ANO6: variants seen among roughly 807,000 people sequenced by gnomAD.
ANO6 encodes the protein anoctamin 6.
ANO6 carries 106 observed loss-of-function variants against 117.5 expected under a neutral mutation model. The ratio of observed to expected loss-of-function variants is 0.90; its 90% CI spans 0.77 to 1.06. ANO6 has a LOEUF of 1.06. Among genes scored for constraint, ANO6 ranks in the 50% least tolerant of loss-of-function variants. The pLI is 0.00. For missense variants in ANO6, 955 were observed against 1,121.1 expected (o/e 0.85, Z 2.12); for synonymous variants, 367 against 385.1 (o/e 0.95, Z 0.55).
At chr12:45,267,764 C>G (rs1216475717) in intron 1 of ANO6, among the ~76,000 whole-genome samples, 1 of 152,080 alleles carries the variant, frequency 6.6e-6, no homozygotes, top group East Asian at 1.9e-4. Flanking sequence ...GTGCTCCAGT[C>G]TGGGCAACAG....
intron 2 of ANO6, among the ~76,000 whole-genome samples, chr12:45,322,207 G>C (rs1041319237): frequency 1.3e-5 from 2 of 152,116 alleles, no homozygotes; most frequent in Non-Finnish European, 2.9e-5. Flanking sequence ...AAGAGAGAAA[G>C]AAACATGAAC....
intron 1 of ANO6, among the ~76,000 whole-genome samples, chr12:45,288,671 C>T (rs1938994454): frequency 1.3e-5 from 2 of 152,196 alleles, no homozygotes; most frequent in Non-Finnish European, 2.9e-5. Flanking sequence ...TTGCTATGAA[C>T]ATGGATGTCC....
In ANO6 at chr12:45,432,272, T is replaced by G. The variant is rs147265794; in HGVS notation, c.*2961T>G. 2 of 938,350 alleles carry G rather than the reference T, an allele frequency of 2.1e-6. No individual in the cohort carries two copies. Among genetic ancestry groups the G allele is most frequent in the Non-Finnish European group, 2.5e-6 (2 of 788,030 alleles). 58.1% of individuals were successfully genotyped at this position (938,350 alleles called of 1,614,324 possible). A position where few individuals can be genotyped will look rare whatever the true frequency, so the allele number is the denominator to read the frequency against. ...TGTGCATTTTAATATTCTTTTATAATTATTAATGTTAATTTCTGTGCATTT... is the reference window on the plus strand; with the variant it reads ...TGTGCATTTTAATATTCTTTTATAAGTATTAATGTTAATTTCTGTGCATTT... On this transcript the variant is annotated 3_prime_UTR_variant, in exon 20 of 20. Coordinates refer to ENST00000320560, the MANE Select transcript of ANO6 (RefSeq NM_001025356.3).
intron 1 of ANO6, among the ~76,000 whole-genome samples, chr12:45,249,927 G>T (rs1303971769): frequency 6.6e-6 from 1 of 152,136 alleles, no homozygotes; most frequent in Non-Finnish European, 1.5e-5. Flanking sequence ...TGCTTAATGA[G>T]AATGCTTCTT....
chr12:45,329,754 T>TTA (rs1045687493), intron 2 of ANO6, among the ~76,000 whole-genome samples: 11 of 151,894 alleles, frequency 7.2e-5, no homozygotes, highest in African/African-American at 2.7e-4. Context: ...TTCTGAGAAA[T>TTA]TATATATATA....
intron 1 of ANO6, among the ~76,000 whole-genome samples, chr12:45,276,053 C>T (rs902288291): frequency 6.6e-6 from 1 of 152,124 alleles, no homozygotes; most frequent in Non-Finnish European, 1.5e-5. Context: ...TTCCATGTCC[C>T]ATCTACCCCA....
At chr12:45,277,757 G>C (rs1011780090) in intron 1 of ANO6, among the ~76,000 whole-genome samples, 1 of 152,028 alleles carries the variant, frequency 6.6e-6, no homozygotes, top group Non-Finnish European at 1.5e-5. Context: ...TCTACTTTCA[G>C]GAGTTGCTCT....
At chr12:45,415,536 T>C (rs148878084) in intron 16 of ANO6, among the ~76,000 whole-genome samples, 1 of 152,332 alleles carries the variant, frequency 6.6e-6, no homozygotes, top group Non-Finnish European at 1.5e-5. Flanking sequence ...ATGAGTTATT[T>C]AGGGTTGGGT....
chr12:45,257,121 G>C (rs113014664), intron 1 of ANO6, among the ~76,000 whole-genome samples: 2,176 of 152,162 alleles, frequency 0.014, 51 homozygotes, highest in African/African-American at 0.048. Flanking sequence ...AACTTCTATT[G>C]CTCTCTTGGC....
At chr12:45,238,470 T>C (rs962134946) in intron 1 of ANO6, among the ~76,000 whole-genome samples, 5 of 152,130 alleles carry the variant, frequency 3.3e-5, no homozygotes, top group Admixed American at 1.3e-4. Flanking sequence ...GTTTTCTAAA[T>C]ATACAATCAT....
chr12:45,390,543 A>G, intron 12 of ANO6, 45 bp downstream of exon 12: 1 of 1,522,278 alleles, frequency 6.6e-7, no homozygotes, highest in Non-Finnish European at 9.1e-7. Flanking sequence ...AAATGTTTTT[A>G]TTATGTAACA....
At chr12:45,391,613 A>G (rs1942452298) in intron 12 of ANO6, among the ~76,000 whole-genome samples, 1 of 152,224 alleles carries the variant, frequency 6.6e-6, no homozygotes, top group Non-Finnish European at 1.5e-5. Context: ...CACGCCTGTA[A>G]TCCCAGCACT....
intron 8 of ANO6, among the ~76,000 whole-genome samples, chr12:45,361,942 T>C (rs531806723): frequency 2.0e-5 from 3 of 152,256 alleles, no homozygotes; most frequent in Non-Finnish European, 4.4e-5. Context: ...CAAGAGATAT[T>C]AGGTCTCTAG....
intron 1 of ANO6, among the ~76,000 whole-genome samples, chr12:45,277,013 A>G (rs1283806097): frequency 6.6e-6 from 1 of 152,126 alleles, no homozygotes; most frequent in East Asian, 1.9e-4. Flanking sequence ...TTCTTTTAGT[A>G]ATTACCTCTA....
At chr12:45,381,184 G>T (rs533861575) in intron 10 of ANO6, among the ~76,000 whole-genome samples, 2 of 152,260 alleles carry the variant, frequency 1.3e-5, no homozygotes, top group Admixed American at 6.5e-5. Context: ...ACCTTTTTAT[G>T]TATATGTGCA....
intron 19 of ANO6, among the ~76,000 whole-genome samples, chr12:45,437,875 C>T (rs959170194): frequency 3.9e-5 from 6 of 152,060 alleles, no homozygotes; most frequent in African/African-American, 1.4e-4. Flanking sequence ...GACCTCAAAA[C>T]TTTTAAGAGT....
At chr12:45,226,926 A>G (rs961429187) in intron 1 of ANO6, among the ~76,000 whole-genome samples, 8 of 151,424 alleles carry the variant, frequency 5.3e-5, no homozygotes, top group African/African-American at 1.9e-4. Context: ...TGAATGCCTA[A>G]ATTGCATAAA....
intron 1 of ANO6, among the ~76,000 whole-genome samples, chr12:45,244,219 T>G (rs976785967): frequency 2.0e-5 from 3 of 152,116 alleles, no homozygotes; most frequent in African/African-American, 7.2e-5. Context: ...TAAGTGAAAG[T>G]TTTCACAGTT....
rs113797693 is a variant in ANO6 at position 45,387,946 on chromosome 12, T to C, written c.1166-215T>C. On this transcript the variant is annotated intron_variant, in intron 10 of 19. Coordinates refer to ENST00000320560, the MANE Select transcript of ANO6 (RefSeq NM_001025356.3). ...GACGTGTTTTGCTTTCCCTTCACCT[T>C]ACACCATGATTTTAAGTTTCCTGAG... 9.4e-3 allele frequency among the ~76,000 whole-genome samples: 1,426 copies of C among 152,266 alleles called. 26 individuals carry two copies. The highest frequency in any genetic ancestry group is 0.032 in the African/African-American group (1,343 of 41,540).
Sources: allele counts gnomAD v4.1 joint callset (sites outside exome capture counted in the v4.1 genomes callset), GRCh38; gene constraint gnomAD v4.1.1; transcripts MANE v1.5; gene names NCBI Gene and HGNC (gene_info 2026-07-23, HGNC 2026-07-21).